Variants in ELMO1 observed in about 807,000 individuals in gnomAD.
ELMO1 encodes the protein engulfment and cell motility protein 1.
A neutral mutation model predicts 98.9 loss-of-function variants in ELMO1; 26 were observed. The observed-to-expected ratio is 0.26, with a 90% CI of 0.19 to 0.36. ELMO1 has a LOEUF of 0.36. Ranked by LOEUF, ELMO1 falls within the 10% of genes least tolerant of loss-of-function variation. The pLI is 1.00. For missense variants in ELMO1, 627 were observed against 935.2 expected, an observed-to-expected ratio of 0.67 and a Z score of 4.30; for synonymous variants, 346 against 346.0, an observed-to-expected ratio of 1.00 and a Z score of 0.00.
intron 1 of ELMO1, among the ~76,000 whole-genome samples, chr7:37,443,572 C>T (rs9655382): frequency 0.17 from 25,301 of 152,166 alleles, 2,694 homozygotes; most frequent in South Asian, 0.39. Flanking sequence ...CTGCTCGTAC[C>T]GTACCTGCAC....
At chr7:37,133,501 G>A (rs1049587171) in intron 13 of ELMO1, among the ~76,000 whole-genome samples, 3 of 152,152 alleles carry the variant, frequency 2.0e-5, no homozygotes, top group African/African-American at 7.2e-5. Flanking sequence ...TCTTAGACAT[G>A]TGACATTGTG....
chr7:37,192,597 G>A (rs1353838265), intron 13 of ELMO1, among the ~76,000 whole-genome samples: 2 of 150,412 alleles, frequency 1.3e-5, no homozygotes, highest in Admixed American at 6.6e-5. Flanking sequence ...TCAGGAGTTC[G>A]AGCCAGCCTG....
At position 37,340,185 on chromosome 7, in the gene ELMO1, C is replaced by T. The variant is rs867241375; in HGVS notation, c.78+2428G>A. ...TATGGATTACGAACTGTGAATTTGACGATAGCATTATACCAGTATTCAATT... is the reference window on the plus strand; with the variant it reads ...TATGGATTACGAACTGTGAATTTGATGATAGCATTATACCAGTATTCAATT... On this transcript the variant is annotated intron_variant, in intron 2 of 21. Transcript: ENST00000310758. Among the ~76,000 whole-genome samples the T allele has an allele frequency of 3.9e-5, 6 of 152,120 alleles. No homozygotes were observed. In the South Asian group the frequency reaches 8.3e-4, roughly 21 times the overall value.
chr7:36,875,444 T>C (rs1328189204), intron 19 of ELMO1, among the ~76,000 whole-genome samples: 1 of 151,884 alleles, frequency 6.6e-6, no homozygotes, highest in Admixed American at 6.6e-5. Context: ...TGCAGATAAA[T>C]AGATCCACAC....
At chr7:37,431,686 GACCTATGTACA>G (rs1185773559) in intron 1 of ELMO1, among the ~76,000 whole-genome samples, 1 of 152,074 alleles carries the variant, frequency 6.6e-6, no homozygotes, top group Non-Finnish European at 1.5e-5. Flanking sequence ...TCCCCAAGAA[GACCTATGTACA>G]ACCTTTTACC....
chr7:36,899,682 A>ATTTTTTTTTTTTTTTT (rs1178774148), intron 16 of ELMO1, among the ~76,000 whole-genome samples: 26 of 5,342 alleles, frequency 4.9e-3, no homozygotes, highest in South Asian at 8.1e-3. Context: ...ATCTTTACTC[A>ATTTTTTTTTTTTTTTT]TCTTTTTTTT....
intron 1 of ELMO1, among the ~76,000 whole-genome samples, chr7:37,365,123 C>T (rs377372618): frequency 1.6e-4 from 24 of 152,284 alleles, no homozygotes; most frequent in East Asian, 7.7e-4. Context: ...TTCCGCCTTA[C>T]GGAAATAACT....
intron 1 of ELMO1, among the ~76,000 whole-genome samples, chr7:37,382,488 G>GA (rs1802619775): frequency 6.6e-6 from 1 of 152,086 alleles, no homozygotes; most frequent in Non-Finnish European, 1.5e-5. Context: ...GCAGAAACAG[G>GA]ACATGCTCTT....
intron 4 of ELMO1, among the ~76,000 whole-genome samples, chr7:37,313,300 C>G (rs1798980806): frequency 6.6e-6 from 1 of 152,202 alleles, no homozygotes; most frequent in Non-Finnish European, 1.5e-5. Context: ...TCTCTGCTCA[C>G]TGCAACCTCC....
chr7:37,009,265 C>T (rs1218939521), intron 16 of ELMO1, among the ~76,000 whole-genome samples: 4 of 152,114 alleles, frequency 2.6e-5, no homozygotes, highest in Non-Finnish European at 4.4e-5. Flanking sequence ...ATAATGCATG[C>T]TCTAAAATAT....
At chr7:37,441,734 G>A (rs1006809066) in intron 1 of ELMO1, among the ~76,000 whole-genome samples, 22 of 152,196 alleles carry the variant, frequency 1.4e-4, no homozygotes, top group African/African-American at 5.3e-4. Flanking sequence ...AAACTCACTA[G>A]TTACAGTGTT....
At chr7:36,946,059 T>C (rs1584414789) in intron 16 of ELMO1, among the ~76,000 whole-genome samples, 1 of 152,312 alleles carries the variant, frequency 6.6e-6, no homozygotes, top group African/African-American at 2.4e-5. Flanking sequence ...ACAGCAGAGG[T>C]AGCCTGAGCT....
chr7:37,432,894 A>T (rs1485036892), intron 1 of ELMO1, among the ~76,000 whole-genome samples: 1 of 152,266 alleles, frequency 6.6e-6, no homozygotes, highest in East Asian at 1.9e-4. Flanking sequence ...CTAGTAGAGA[A>T]TTATAAGTAG....
chr7:37,438,599 C>CAA (rs35711008), intron 1 of ELMO1, among the ~76,000 whole-genome samples: 1 of 147,694 alleles, frequency 6.8e-6, no homozygotes, highest in African/African-American at 2.5e-5. Context: ...GACTCTGTCT[C>CAA]AAAAAAAAAA....
At chr7:36,890,215 T>C (rs1273009848) in intron 17 of ELMO1, among the ~76,000 whole-genome samples, 3 of 152,172 alleles carry the variant, frequency 2.0e-5, no homozygotes, top group Non-Finnish European at 2.9e-5. Flanking sequence ...AGGAGGAAGA[T>C]TAAAGGAGAG....
At chr7:37,279,409 T>TA (rs1275165833) in intron 4 of ELMO1, among the ~76,000 whole-genome samples, 2 of 152,056 alleles carry the variant, frequency 1.3e-5, no homozygotes, top group African/African-American at 4.8e-5. Flanking sequence ...TAGCTCCAGA[T>TA]AGACTGCAAG....
At chr7:37,316,425 GA>G (rs1425840065) in intron 2 of ELMO1, among the ~76,000 whole-genome samples, 31 of 152,280 alleles carry the variant, frequency 2.0e-4, no homozygotes, top group African/African-American at 7.5e-4. Context: ...GAGGTGTTAC[GA>G]AATGGTTCTT....
chr7:37,127,149 A>T (rs879206445), intron 14 of ELMO1, among the ~76,000 whole-genome samples: 1 of 152,196 alleles, frequency 6.6e-6, no homozygotes, highest in African/African-American at 2.4e-5. Context: ...TCTGAAACTA[A>T]AGACTATCTC....
At chr7:37,212,943 A>C (rs1435379005) in intron 12 of ELMO1, among the ~76,000 whole-genome samples, 1 of 152,168 alleles carries the variant, frequency 6.6e-6, no homozygotes, top group Non-Finnish European at 1.5e-5. Flanking sequence ...TCCCTGGAGA[A>C]CGAAAATTGC....
Sources: gnomAD v4.1 joint callset for allele counts (sites outside exome capture counted in the v4.1 genomes callset) on GRCh38, gnomAD v4.1.1 for gene constraint, MANE v1.5 for transcripts, NCBI Gene and HGNC (gene_info 2026-07-23, HGNC 2026-07-21) for gene names.